UTP18: variants seen among roughly 807,000 people sequenced by gnomAD.
UTP18 encodes the protein UTP18 small subunit processome component.
A neutral mutation model predicts 61.1 loss-of-function variants in UTP18; 36 were observed. The ratio of observed to expected loss-of-function variants is 0.59; its 90% CI spans 0.45 to 0.78. UTP18 has a LOEUF of 0.78. UTP18 is among the 30% of genes least tolerant of loss of function. The pLI is 0.00. For missense variants in UTP18, 753 were observed against 693.9 expected (o/e 1.09, Z -0.96); for synonymous variants, 282 against 251.1 (o/e 1.12, Z -1.16).
intron 3 of UTP18, 36 bp from the exon 4 acceptor site, chr17:51,268,801 T>A: frequency 1.3e-6 from 2 of 1,575,800 alleles, no homozygotes; most frequent in Non-Finnish European, 1.7e-6. Flanking sequence ...CATGTAGTGG[T>A]TGCCATAAAT....
At chr17:51,273,271 A>T (rs1279192253) in intron 4 of UTP18, 91 bp from the exon 5 acceptor site, 3 of 845,900 alleles carry the variant, frequency 3.5e-6, no homozygotes, top group African/African-American at 3.5e-5. Flanking sequence ...AAGGGAGTTG[A>T]TGTTGAAAAT....
intron 4 of UTP18, 64 bp from the exon 5 acceptor site, chr17:51,273,297 TG>T: frequency 8.3e-7 from 1 of 1,199,018 alleles, no homozygotes; most frequent in South Asian, 1.7e-5. Flanking sequence ...CATAGAAGTT[TG>T]GGGTAGGTAA....
chr17:51,280,541 C>T lies in UTP18; in HGVS notation c.1204+62C>T, dbSNP rs1904879937. ...TACATTTTAAATTTTAGGCCAGGCG[C>T]GGTGGCTCACGTGTGTAATCCCACC... On this transcript the variant is annotated intron_variant, in intron 9 of 13. Transcript: ENST00000225298. 4.0e-6 allele frequency: 6 copies of T among 1,516,140 alleles called. No homozygotes were observed. In the East Asian group the frequency reaches 7.1e-5, roughly 18 times the overall value. 93.9% of individuals were successfully genotyped at this position (1,516,140 alleles called of 1,614,324 possible).
intron 3 of UTP18, among the ~76,000 whole-genome samples, chr17:51,266,484 C>T (rs1369041474): frequency 6.6e-6 from 1 of 152,098 alleles, no homozygotes; most frequent in African/African-American, 2.4e-5. Flanking sequence ...AAATTCTTAC[C>T]ACTCAAATAT....
chr17:51,268,007 G>GT (rs766635231), intron 3 of UTP18, among the ~76,000 whole-genome samples: 4,682 of 130,252 alleles, frequency 0.036, 211 homozygotes, highest in Non-Finnish European at 0.044. Context: ...TTTGTTTTTT[G>GT]TTTTTTGTTT....
At chr17:51,265,722 C>T (rs1471391177) in intron 2 of UTP18, among the ~76,000 whole-genome samples, 4 of 151,748 alleles carry the variant, frequency 2.6e-5, no homozygotes, top group Non-Finnish European at 5.9e-5. Flanking sequence ...TGCCACCCCG[C>T]CCAGCTAATT....
chr17:51,286,243 C>T (rs1269860655), intron 10 of UTP18, among the ~76,000 whole-genome samples: 1 of 152,124 alleles, frequency 6.6e-6, no homozygotes, highest in Admixed American at 6.6e-5. Flanking sequence ...TCTGAAGATG[C>T]AGGGTGAGAG....
At chr17:51,287,690 GT>G (rs1490129675) in intron 10 of UTP18, among the ~76,000 whole-genome samples, 1 of 152,184 alleles carries the variant, frequency 6.6e-6, no homozygotes, top group Non-Finnish European at 1.5e-5. Flanking sequence ...GTCTGTGGGA[GT>G]AAATGAGATG....
chr17:51,271,137 A>G (rs1480207446), intron 4 of UTP18, among the ~76,000 whole-genome samples: 1 of 152,070 alleles, frequency 6.6e-6, no homozygotes, highest in Non-Finnish European at 1.5e-5. Flanking sequence ...CCCTCTCCCT[A>G]TCATTTTAGC....
At chr17:51,275,274 T>C (rs1344833806) in intron 5 of UTP18, among the ~76,000 whole-genome samples, 2 of 152,126 alleles carry the variant, frequency 1.3e-5, no homozygotes, top group South Asian at 4.1e-4. Flanking sequence ...ACTTTTGTTT[T>C]TAACTGAATT....
chr17:51,260,555 G>A lies in UTP18; in HGVS notation c.-30G>A. The A allele has an allele frequency of 6.3e-7, 1 of 1,595,928 alleles. No individual in the cohort carries two copies. The highest frequency in any genetic ancestry group is 8.5e-7 in the Non-Finnish European group (1 of 1,173,144). ...GCGCATGCGCAGCGAGGTTCCACGT[G>A]AGCGCCTGCGTTTCTCCTCAAACCT... On this transcript the variant is annotated 5_prime_UTR_variant, in exon 1 of 14. Coordinates refer to ENST00000225298, the MANE Select transcript of UTP18 (RefSeq NM_016001.3).
chr17:51,268,007 G>GTTTTTTTTTTTT (rs766635231), intron 3 of UTP18, among the ~76,000 whole-genome samples: 2 of 130,582 alleles, frequency 1.5e-5, no homozygotes, highest in African/African-American at 3.0e-5. Context: ...TTTGTTTTTT[G>GTTTTTTTTTTTT]TTTTTTGTTT....
chr17:51,260,890 C>A lies in UTP18; in HGVS notation c.306C>A (p.Asp102Glu), dbSNP rs370056458. 6.3e-7 allele frequency: 1 copy of A among 1,598,780 alleles called. No homozygotes were observed. Among genetic ancestry groups the A allele is most frequent in the East Asian group, 2.3e-5 (1 of 43,856 alleles). The change falls in exon 1 of 14, where the codon GAC (aspartate) becomes GAA (glutamate). Residue 102 changes from aspartate (D) to glutamate (E), a missense_variant. By Grantham distance (45) the Asp-to-Glu change is conservative. Coordinates refer to ENST00000225298, the MANE Select transcript of UTP18 (RefSeq NM_016001.3). ...TGGTCTTCGGCGACGTCGAGAACGA[C>A]GAGGACGCGTTGCTGCGGCGTCTGC... ...EELVFGDVENDEDALLRRLRG... is the reference protein window; with the variant it reads ...EELVFGDVENEEDALLRRLRG...
At position 51,275,718 on chromosome 17, in the gene UTP18, T is replaced by C. The variant is rs994445741; in HGVS notation, c.712-148T>C. 13 of 858,682 alleles carry C rather than the reference T, an allele frequency of 1.5e-5. No homozygotes were observed. The African/African-American group carries it at 2.3e-4, about 15-fold the overall frequency. 53.2% of individuals were successfully genotyped at this position (858,682 alleles called of 1,614,324 possible). A position where few individuals can be genotyped will look rare whatever the true frequency, so the allele number is the denominator to read the frequency against. On this transcript the variant is annotated intron_variant, in intron 5 of 13. Transcript: ENST00000225298. ...TGCCAGAGCTGCGGTTTTTTTGTTT[T>C]TTGTTTTTTTTTTTTGAGTTGTGTT...
At position 51,277,203 on chromosome 17, in the gene UTP18, G is replaced by A. The variant is rs370735759; in HGVS notation, c.911G>A (p.Ser304Asn). 1.3e-5 allele frequency: 21 copies of A among 1,614,144 alleles called. No individual in the cohort carries two copies. The Admixed American group carries it at 2.2e-4, about 17-fold the overall frequency. The change falls in exon 7 of 14, where the codon AGT becomes AAT. Residue 304 changes from serine (S) to asparagine (N), a missense_variant. By Grantham distance (46) the Ser-to-Asn change is conservative. Transcript: ENST00000225298. ...TTTCCAATCTTTAAGGCTTGTTTTAGTGCTAATGGGGAAGAAGTTTTAGCC... is the reference window on the plus strand; with the variant it reads ...TTTCCAATCTTTAAGGCTTGTTTTAATGCTAATGGGGAAGAAGTTTTAGCC... ...ERFPIFKACF[S>N]ANGEEVLATS...
At chr17:51,295,332 G>A (rs1321010173) in intron 12 of UTP18, among the ~76,000 whole-genome samples, 2 of 152,026 alleles carry the variant, frequency 1.3e-5, no homozygotes, top group Admixed American at 1.3e-4. Context: ...TATGGTTTTA[G>A]GTCTAACATG....
chr17:51,262,880 G>A (rs558685140), intron 1 of UTP18, among the ~76,000 whole-genome samples: 142 of 152,292 alleles, frequency 9.3e-4, no homozygotes, highest in Non-Finnish European at 1.7e-3. Context: ...AGGAGGTAGG[G>A]GGTCAAAAAC....
At chr17:51,278,710 C>T (rs945512571) in intron 7 of UTP18, among the ~76,000 whole-genome samples, 3 of 152,184 alleles carry the variant, frequency 2.0e-5, no homozygotes, top group African/African-American at 4.8e-5. Context: ...CCTGTCCTAC[C>T]TCATCACGTA....
chr17:51,296,822 T>G, intron 12 of UTP18, 143 bp from the exon 13 acceptor site: 1 of 703,210 alleles, frequency 1.4e-6, no homozygotes, highest in Non-Finnish European at 2.3e-6. Context: ...GATTGAGGAG[T>G]CTGAACCTAA....
Sources: gnomAD v4.1 joint callset for allele counts (sites outside exome capture counted in the v4.1 genomes callset) on GRCh38, gnomAD v4.1.1 for gene constraint, MANE v1.5 for transcripts, NCBI Gene and HGNC (gene_info 2026-07-23, HGNC 2026-07-21) for gene names.